ROR1: variants seen among roughly 807,000 people sequenced by gnomAD.
The protein encoded by ROR1 is ROR family WNT receptor 1, also known as inactive tyrosine-protein kinase transmembrane receptor ROR1.
Under a neutral mutation model 78.8 loss-of-function variants are expected in ROR1, and 19 were observed. The ratio of observed to expected loss-of-function variants is 0.24; its 90% CI spans 0.17 to 0.35. ROR1 has a LOEUF of 0.35. ROR1 is among the 10% of genes least tolerant of loss of function. The pLI, the probability that ROR1 is intolerant of heterozygous loss-of-function variation, is 1.00. For synonymous variants in ROR1, 386 were observed against 433.6 expected, an observed-to-expected ratio of 0.89 and a Z score of 1.36; for missense variants, 917 against 1,177.8, an observed-to-expected ratio of 0.78 and a Z score of 3.24.
chr1:64,026,068 A>C (rs1244351903), intron 2 of ROR1, among the ~76,000 whole-genome samples: 1 of 152,072 alleles, frequency 6.6e-6, no homozygotes. Flanking sequence ...AAGTGACATT[A>C]CACAAGAATA....
intron 3 of ROR1, 111 bp from the exon 4 acceptor site, chr1:64,050,575 A>G (rs1239978483): frequency 4.9e-5 from 49 of 1,008,122 alleles, no homozygotes; most frequent in Non-Finnish European, 7.0e-5. Flanking sequence ...AAAAATAAAT[A>G]CTACCTCTGG....
At chr1:63,830,788 G>A (rs1254453426) in intron 1 of ROR1, among the ~76,000 whole-genome samples, 1 of 152,140 alleles carries the variant, frequency 6.6e-6, no homozygotes, top group East Asian at 1.9e-4. Flanking sequence ...AAAAGTCCAA[G>A]TCCAAAGTCT....
chr1:63,949,141 A>G (rs887538145), intron 1 of ROR1, among the ~76,000 whole-genome samples: 7 of 152,140 alleles, frequency 4.6e-5, no homozygotes, highest in African/African-American at 1.7e-4. Context: ...ATTCCATATA[A>G]AGAAGGCAGG....
intron 4 of ROR1, among the ~76,000 whole-genome samples, chr1:64,066,970 TA>T (rs766018039): frequency 7.2e-5 from 11 of 152,150 alleles, no homozygotes; most frequent in Admixed American, 1.3e-4. Context: ...GAATATCTCA[TA>T]TTTTTTTTTC....
At position 64,049,973 on chromosome 1, in the gene ROR1, A is replaced by C. The variant is rs542185636; in HGVS notation, c.446A>C (p.Lys149Thr). Residue 149 changes from lysine (K) to threonine (T), a missense_variant, in exon 3 of 9, where the codon AAG becomes ACG. Physicochemically the swap from Lys to Thr is moderately conservative, Grantham distance 78 (BLOSUM62 -1). This residue lies in a region of ROR1 where 835 missense variants were observed against 1,069.8 expected (regional missense o/e 0.78). Coordinates refer to ENST00000371079, the MANE Select transcript of ROR1 (RefSeq NM_005012.4). The part of the protein sequence containing the change: ...VVSSTGVLFV[K>T]FGPPPTASPG... The stretch of plus-strand genomic sequence containing the variant: ...TCTTCCACTGGAGTCTTGTTTGTCA[A>C]GTTTGGTAAGCAGACCCCTACTGGG... 1 of 1,614,140 alleles carries C rather than the reference A, an allele frequency of 6.2e-7. No homozygotes were observed. The highest frequency in any genetic ancestry group is 1.7e-5 in the Admixed American group (1 of 60,024).
chr1:63,889,563 G>A (rs1181304670), intron 1 of ROR1, among the ~76,000 whole-genome samples: 1 of 151,868 alleles, frequency 6.6e-6, no homozygotes, highest in East Asian at 1.9e-4. Context: ...GGGTATTCTA[G>A]CATGTTTCTG....
intron 1 of ROR1, among the ~76,000 whole-genome samples, chr1:63,939,401 AT>A (rs59018427): frequency 0.029 from 4,448 of 152,294 alleles, 228 homozygotes; most frequent in African/African-American, 0.1. Context: ...TATGCCAGGT[AT>A]ATAGCCCCTA....
At chr1:63,999,550 TG>T (rs1434195974) in intron 1 of ROR1, among the ~76,000 whole-genome samples, 4 of 150,748 alleles carry the variant, frequency 2.7e-5, no homozygotes, top group African/African-American at 1.0e-4. Context: ...TTTAATTTTT[TG>T]TTTGCTTCTC....
At chr1:64,159,856 C>T (rs1451673209) in intron 8 of ROR1, among the ~76,000 whole-genome samples, 3 of 152,134 alleles carry the variant, frequency 2.0e-5, no homozygotes, top group African/African-American at 7.2e-5. Flanking sequence ...TTTTCATCCA[C>T]ATCTTTCAAC....
intron 1 of ROR1, among the ~76,000 whole-genome samples, chr1:63,778,955 A>G (rs1272833547): frequency 6.6e-6 from 1 of 152,236 alleles, no homozygotes. Flanking sequence ...GTATTTCCCA[A>G]GGTTTTCCAA....
chr1:64,070,563 T>A (rs1646995433), intron 4 of ROR1, among the ~76,000 whole-genome samples: 2 of 152,130 alleles, frequency 1.3e-5, no homozygotes, highest in Non-Finnish European at 2.9e-5. Flanking sequence ...CAAACCATCC[T>A]CGCACCTCAG....
chr1:63,864,444 T>A (rs11803655), intron 1 of ROR1, among the ~76,000 whole-genome samples: 8,826 of 152,220 alleles, frequency 0.058, 624 homozygotes, highest in African/African-American at 0.16. Flanking sequence ...GATTCATGTC[T>A]CAGGTGACTC....
intron 2 of ROR1, among the ~76,000 whole-genome samples, chr1:64,043,714 G>C (rs1206564880): frequency 6.6e-6 from 1 of 152,178 alleles, no homozygotes; most frequent in African/African-American, 2.4e-5. Flanking sequence ...GATTGCATCA[G>C]AACATAATAT....
intron 4 of ROR1, among the ~76,000 whole-genome samples, chr1:64,135,100 T>A (rs1649059529): frequency 6.6e-6 from 1 of 152,162 alleles, no homozygotes; most frequent in East Asian, 1.9e-4. Flanking sequence ...TTTTTTTGTG[T>A]TCTTTTTTAA....
chr1:64,033,974 C>T (rs541848747), intron 2 of ROR1, among the ~76,000 whole-genome samples: 3 of 152,254 alleles, frequency 2.0e-5, no homozygotes, highest in Non-Finnish European at 4.4e-5. Flanking sequence ...CAGATGGTGT[C>T]GTGTGTGTCT....
intron 1 of ROR1, among the ~76,000 whole-genome samples, chr1:63,860,881 G>A (rs546525276): frequency 6.6e-6 from 1 of 152,084 alleles, no homozygotes; most frequent in African/African-American, 2.4e-5. Flanking sequence ...AAAAGAAATA[G>A]ACATGACAAA....
chr1:63,963,282 T>C (rs1376679001), intron 1 of ROR1, among the ~76,000 whole-genome samples: 2 of 152,114 alleles, frequency 1.3e-5, no homozygotes, highest in Non-Finnish European at 2.9e-5. Flanking sequence ...GAAAAATAAT[T>C]CTGGGCTGGG....
chr1:64,073,580 G>T (rs1360163161), intron 4 of ROR1, among the ~76,000 whole-genome samples: 1 of 152,098 alleles, frequency 6.6e-6, no homozygotes, highest in Non-Finnish European at 1.5e-5. Flanking sequence ...TGAGTGCTTG[G>T]CTCTGTAATC....
chr1:64,088,893 A>G (rs1381739472), intron 4 of ROR1, among the ~76,000 whole-genome samples: 1 of 152,200 alleles, frequency 6.6e-6, no homozygotes, highest in Non-Finnish European at 1.5e-5. Flanking sequence ...CAGTCTCCAC[A>G]GTGTTTTCTG....
Sources: allele counts gnomAD v4.1 joint callset (sites outside exome capture counted in the v4.1 genomes callset), GRCh38; gene constraint gnomAD v4.1.1; regional missense constraint gnomAD v4.1.1; transcripts MANE v1.5; gene names NCBI Gene and HGNC (gene_info 2026-07-23, HGNC 2026-07-21).